SLC44A5: variants seen among roughly 807,000 people sequenced by gnomAD.
SLC44A5 encodes choline transporter-like protein 5.
SLC44A5 carries 57 observed loss-of-function variants against 101.8 expected under a neutral mutation model. The observed-to-expected ratio is 0.56, with a 90% CI of 0.45 to 0.70. SLC44A5 has a LOEUF of 0.70. Among genes scored for constraint, SLC44A5 ranks in the 30% least tolerant of loss-of-function variants. The pLI is 0.00. For missense variants in SLC44A5, 737 were observed against 853.1 expected (o/e 0.86, Z 1.70); for synonymous variants, 281 against 290.9 (o/e 0.97, Z 0.35).
At chr1:75,468,207 T>C (rs1425971102) in intron 2 of SLC44A5, among the ~76,000 whole-genome samples, 1 of 152,162 alleles carries the variant, frequency 6.6e-6, no homozygotes, top group Non-Finnish European at 1.5e-5. Context: ...GGAACTTTCA[T>C]ACACTGTTGG....
intron 2 of SLC44A5, among the ~76,000 whole-genome samples, chr1:75,441,080 T>A (rs2040081): frequency 0.098 from 14,944 of 152,046 alleles, 908 homozygotes; most frequent in Admixed American, 0.19. Context: ...TGTTCTGGAA[T>A]CCTTGAATTG....
At chr1:75,626,518 A>G in the SLC44A5 span, among the ~76,000 whole-genome samples, 1 of 152,152 alleles carries the variant, frequency 6.6e-6, no homozygotes, top group Admixed American at 6.6e-5. Flanking sequence ...GTTGTTCTCT[A>G]TACTCAAGCC....
At chr1:75,543,608 T>TATAC (rs1553201178) in intron 1 of SLC44A5, among the ~76,000 whole-genome samples, 1 of 119,272 alleles carries the variant, frequency 8.4e-6, no homozygotes, top group Non-Finnish European at 1.8e-5. Flanking sequence ...TATATATATA[T>TATAC]ACACACACAC....
intron 4 of SLC44A5, among the ~76,000 whole-genome samples, chr1:75,306,517 A>G (rs1654908450): frequency 6.6e-6 from 1 of 152,070 alleles, no homozygotes; most frequent in African/African-American, 2.4e-5. Context: ...CTATCTGGAC[A>G]TTGCTATCTC....
chr1:75,493,357 A>G (rs1039445795), intron 2 of SLC44A5, among the ~76,000 whole-genome samples: 4 of 152,216 alleles, frequency 2.6e-5, no homozygotes, highest in African/African-American at 9.6e-5. Flanking sequence ...ATATCGAACA[A>G]TACAAATGTA....
intron 1 of SLC44A5, among the ~76,000 whole-genome samples, chr1:75,563,818 A>G (rs1255780533): frequency 1.3e-5 from 2 of 152,152 alleles, no homozygotes; most frequent in East Asian, 1.9e-4. Context: ...TCAGTTTTCA[A>G]ACAGGTGTCT....
chr1:75,608,394 A>G (rs1675451498), intron 1 of SLC44A5, among the ~76,000 whole-genome samples: 1 of 151,764 alleles, frequency 6.6e-6, no homozygotes, highest in South Asian at 2.1e-4. Context: ...CACCAGAAGA[A>G]GAAAATTTTT....
At chr1:75,638,551 G>A in the SLC44A5 span, among the ~76,000 whole-genome samples, 1 of 152,020 alleles carries the variant, frequency 6.6e-6, no homozygotes, top group African/African-American at 2.4e-5. Flanking sequence ...AAAGAGCCCA[G>A]GCTGTGTTAC....
chr1:75,516,435 TGAACCTGGGAGGCG>T (rs1669839000), intron 2 of SLC44A5, among the ~76,000 whole-genome samples: 1 of 151,786 alleles, frequency 6.6e-6, no homozygotes, highest in African/African-American at 2.4e-5. Context: ...GAGAATGGCG[TGAACCTGGGAGGCG>T]GAGCTTGCAG....
chr1:75,693,094 T>G, the SLC44A5 span, among the ~76,000 whole-genome samples: 25 of 152,236 alleles, frequency 1.6e-4, no homozygotes, highest in African/African-American at 5.8e-4. Context: ...GGATTGGAGA[T>G]CCTAGTGGCC....
intron 1 of SLC44A5, among the ~76,000 whole-genome samples, chr1:75,544,473 C>T (rs915492304): frequency 6.6e-6 from 1 of 152,124 alleles, no homozygotes; most frequent in Non-Finnish European, 1.5e-5. Context: ...ACCATTTTGC[C>T]ACTTTTGATT....
chr1:75,666,261 TA>T, the SLC44A5 span, among the ~76,000 whole-genome samples: 1 of 151,946 alleles, frequency 6.6e-6, no homozygotes, highest in Non-Finnish European at 1.5e-5. Flanking sequence ...AAATGTGGTA[TA>T]AAAAATATGA....
chr1:75,502,823 T>C (rs1669040117), intron 2 of SLC44A5, among the ~76,000 whole-genome samples: 1 of 152,026 alleles, frequency 6.6e-6, no homozygotes, highest in Admixed American at 6.6e-5. Context: ...TTTTAGCATA[T>C]TTTTTGAATA....
At chr1:75,359,398 T>TA (rs1183220775) in intron 3 of SLC44A5, among the ~76,000 whole-genome samples, 2 of 150,500 alleles carry the variant, frequency 1.3e-5, no homozygotes, top group African/African-American at 4.9e-5. Flanking sequence ...CCACGCTGGC[T>TA]AATTTTTGTA....
chr1:75,205,223 G>C (rs1188302298), intron 23 of SLC44A5: 1 of 152,168 alleles, frequency 6.6e-6, no homozygotes, highest in Non-Finnish European at 1.5e-5. Flanking sequence ...TACACTTGAA[G>C]ATAATTAATA....
chr1:75,235,923 A>G (rs1021942416), intron 11 of SLC44A5, among the ~76,000 whole-genome samples: 3 of 152,112 alleles, frequency 2.0e-5, no homozygotes, highest in Non-Finnish European at 4.4e-5. Context: ...TATATGGAAG[A>G]TAAGTATGTG....
At chr1:75,440,602 T>C (rs1343431114) in intron 2 of SLC44A5, among the ~76,000 whole-genome samples, 1 of 152,138 alleles carries the variant, frequency 6.6e-6, no homozygotes, top group African/African-American at 2.4e-5. Context: ...AGCCATCTCG[T>C]GATCTCTTTT....
At chr1:75,464,531 A>G (rs1666705049) in intron 2 of SLC44A5, among the ~76,000 whole-genome samples, 1 of 152,148 alleles carries the variant, frequency 6.6e-6, no homozygotes, top group African/African-American at 2.4e-5. Context: ...ATAGAACAAA[A>G]TGACAGAAGT....
intron 2 of SLC44A5, among the ~76,000 whole-genome samples, chr1:75,427,013 C>T (rs1664352168): frequency 6.6e-6 from 1 of 152,142 alleles, no homozygotes; most frequent in Non-Finnish European, 1.5e-5. Flanking sequence ...CTTTTTGGGG[C>T]TCATTTTCCA....
Sources: gnomAD v4.1 joint callset for allele counts (sites outside exome capture counted in the v4.1 genomes callset) on GRCh38, gnomAD v4.1.1 for gene constraint, MANE v1.5 for transcripts, NCBI Gene and HGNC (gene_info 2026-07-23, HGNC 2026-07-21) for gene names.